The following SPATA6L variants were observed in gnomAD, a reference collection of about 807,000 sequenced individuals.
SPATA6L encodes spermatogenesis associated 6-like protein.
Under a neutral mutation model 49.2 loss-of-function variants are expected in SPATA6L, and 68 were observed. The observed-to-expected ratio is 1.38, with a 90% CI of 1.14 to 1.69. The LOEUF is 1.69. SPATA6L is among the 40% of genes most tolerant of loss of function. The probability of loss-of-function intolerance (pLI) is 0.00; values close to 1 mark genes in which losing one functional copy is unlikely to be tolerated. For missense variants in SPATA6L, 668 were observed against 464.3 expected, an observed-to-expected ratio of 1.44 and a Z score of -4.03; for synonymous variants, 198 against 165.7, an observed-to-expected ratio of 1.19 and a Z score of -1.50.
rs1173686417 is a variant in SPATA6L at position 4,625,753 on chromosome 9, T to A, written c.430-187A>T. 7.0e-6 allele frequency: 3 copies of A among 427,610 alleles called. No individual in the cohort carries two copies. In the East Asian group the frequency reaches 1.1e-4, roughly 16 times the overall value. The allele number at this position is 427,610 out of a possible 1,614,324, so 26.5% of individuals were successfully genotyped here. A position where few individuals can be genotyped will look rare whatever the true frequency, so the allele number is the denominator to read the frequency against. On this transcript the variant is annotated intron_variant, in intron 5 of 11. Coordinates refer to ENST00000682582, the MANE Select transcript of SPATA6L (RefSeq NM_001353486.2). ...TTTTTCCTGTTCAGTTTAACATCAG[T>A]AGTATTTATAACTTGCTAGTATAAT... is the stretch of plus-strand genomic sequence containing the variant.
intron 8 of SPATA6L, among the ~76,000 whole-genome samples, chr9:4,618,572 A>C (rs1182303900): frequency 6.6e-6 from 1 of 152,208 alleles, no homozygotes; most frequent in Non-Finnish European, 1.5e-5. Context: ...TCTATGTATA[A>C]AATTATTTGA....
chr9:4,617,263 A>G (rs1014687309), intron 9 of SPATA6L: 18 of 152,204 alleles, frequency 1.2e-4, no homozygotes, highest in African/African-American at 3.9e-4. Context: ...CAATGATCTT[A>G]TAAATATTAT....
chr9:4,617,997 G>A lies in SPATA6L; in HGVS notation c.921C>T (p.His307=), dbSNP rs193250993. 201 of 1,614,062 alleles carry A rather than the reference G, an allele frequency of 1.2e-4. 1 individual carries two copies. In the African/African-American group the frequency reaches 1.6e-3, roughly 13 times the overall value. ...GGTAGGTGGCAAATGAAGCTTTCCC[G>A]TGGAAATCAGCATCCCCTTGTTTAC... The part of the protein sequence containing the change: ...SSSKQGDADF[H]GKASFATYQH... The change falls in exon 9 of 12, where the codon CAC becomes CAT. Residue 307 remains histidine (H), a synonymous_variant. Coordinates refer to ENST00000682582, the MANE Select transcript of SPATA6L (RefSeq NM_001353486.2).
intron 9 of SPATA6L, among the ~76,000 whole-genome samples, chr9:4,605,880 T>C (rs1471089300): frequency 2.0e-5 from 3 of 152,222 alleles, no homozygotes; most frequent in Non-Finnish European, 1.5e-5. Flanking sequence ...GGGTGATTTC[T>C]GCATTTCCAT....
chr9:4,618,943 T>C (rs752057913), intron 7 of SPATA6L, 45 bp from the exon 8 acceptor site: 5 of 1,582,508 alleles, frequency 3.2e-6, no homozygotes, highest in Non-Finnish European at 4.3e-6. Context: ...ATTATTACCA[T>C]TTAGCCTTAA....
At chr9:4,602,535 C>T (rs1377188562) in intron 11 of SPATA6L, among the ~76,000 whole-genome samples, 2 of 152,196 alleles carry the variant, frequency 1.3e-5, no homozygotes, top group African/African-American at 4.8e-5. Flanking sequence ...AGCCTGACTA[C>T]AGTGAAAACT....
Position 4,600,231 on chromosome 9 carries a change from C to G in SPATA6L, c.*580G>C, listed in dbSNP as rs1462308078. On this transcript the variant is annotated 3_prime_UTR_variant, in exon 12 of 12. Transcript: ENST00000682582. The stretch of plus-strand genomic sequence containing the variant: ...AGCCAGCCTCCTCTTACAAATTTAT[C>G]ACAGACATTCAACATCTAAAACAAG... 1.3e-5 allele frequency among the ~76,000 whole-genome samples: 2 copies of G among 152,170 alleles called. No homozygotes were observed. Among genetic ancestry groups the G allele is most frequent in the African/African-American group, 4.8e-5 (2 of 41,440 alleles).
chr9:4,598,779 T>C lies in SPATA6L; in HGVS notation c.*2032A>G, dbSNP rs1372592926. Reference sequence around the variant, plus strand: ...AACCTTAATGTAACACAATATTTTCTTACTTTTGATGACTACTTAGAGGTA... The same window carrying C: ...AACCTTAATGTAACACAATATTTTCCTACTTTTGATGACTACTTAGAGGTA... On this transcript the variant is annotated 3_prime_UTR_variant, in exon 12 of 12. Coordinates refer to ENST00000682582, the MANE Select transcript of SPATA6L (RefSeq NM_001353486.2). Among the ~76,000 whole-genome samples the C allele has an allele frequency of 6.6e-6, 1 of 152,232 alleles. No individual in the cohort carries two copies. Among genetic ancestry groups the C allele is most frequent in the Non-Finnish European group, 1.5e-5 (1 of 68,048 alleles).
At chr9:4,659,716 G>T (rs905554401) in intron 2 of SPATA6L, among the ~76,000 whole-genome samples, 1 of 152,136 alleles carries the variant, frequency 6.6e-6, no homozygotes, top group East Asian at 1.9e-4. Context: ...AGCCCGCATT[G>T]CCAAGACAAT....
Position 4,662,380 on chromosome 9 carries a change from C to G in SPATA6L, c.40-344G>C, listed in dbSNP as rs756992431. On this transcript the variant is annotated intron_variant, in intron 1 of 11. Coordinates refer to ENST00000682582, the MANE Select transcript of SPATA6L (RefSeq NM_001353486.2). This position sits in a 1 kb window ranked among gnomAD's most constrained non-coding sequence, Gnocchi z 4.9. ...GGATCCGGGCCGCCAGCTGCGATGC[C>G]AAGTCCCCGGAGGAGCATGGAGGGA... The G allele has an allele frequency of 1.3e-6, 2 of 1,516,172 alleles. No homozygotes were observed. Among genetic ancestry groups the G allele is most frequent in the Admixed American group, 2.1e-5 (1 of 47,090 alleles). 93.9% of individuals were successfully genotyped at this position (1,516,172 alleles called of 1,614,324 possible).
Position 4,666,238 on chromosome 9 carries a change from C to A in SPATA6L, c.13G>T (p.Val5Leu), listed in dbSNP as rs1183855247. 1.2e-6 allele frequency: 2 copies of A among 1,614,044 alleles called. No homozygotes were observed. Among genetic ancestry groups the A allele is most frequent in the African/African-American group, 2.7e-5 (2 of 74,910 alleles). ...GCCCGGATCTGCAGCTCCACCACCA[C>A]CTCCAGAGGCATCGTTCCCTGCGTG... is the stretch of plus-strand genomic sequence containing the variant. MPLE[V>L]VVELQIRAIS... Residue 5 changes from valine to leucine, a missense_variant, in exon 1 of 12, where the codon GTG (valine) becomes TTG (leucine). Coordinates refer to ENST00000682582, the MANE Select transcript of SPATA6L (RefSeq NM_001353486.2).
At chr9:4,635,687 C>G (rs913828017) in intron 3 of SPATA6L, among the ~76,000 whole-genome samples, 22 of 152,108 alleles carry the variant, frequency 1.4e-4, no homozygotes, top group African/African-American at 5.3e-4. Flanking sequence ...ATTTTTCCTG[C>G]AACAAATTTT....
intron 1 of SPATA6L, 108 bp downstream of exon 1, chr9:4,666,104 G>A (rs1840819713): frequency 4.2e-6 from 4 of 959,008 alleles, no homozygotes; most frequent in Non-Finnish European, 1.7e-6. Context: ...AGAAGATAAT[G>A]ATGTGTTTGT....
At chr9:4,603,578 A>G (rs981754244) in intron 11 of SPATA6L, among the ~76,000 whole-genome samples, 5 of 152,202 alleles carry the variant, frequency 3.3e-5, no homozygotes, top group African/African-American at 1.2e-4. Flanking sequence ...GTTAAATGTG[A>G]TTCCATTGTA....
intron 13 of SPATA6L, among the ~76,000 whole-genome samples, chr9:4,592,090 G>A (rs1208301642): frequency 6.6e-6 from 1 of 152,082 alleles, no homozygotes; most frequent in East Asian, 1.9e-4. Context: ...CGAGGCGGGT[G>A]GATCATCTGA....
At chr9:4,642,180 G>A (rs1352709083) in intron 3 of SPATA6L, among the ~76,000 whole-genome samples, 1 of 152,146 alleles carries the variant, frequency 6.6e-6, no homozygotes, top group Non-Finnish European at 1.5e-5. Flanking sequence ...CTTAGGTATT[G>A]AGTAACTTTT....
At chr9:4,649,684 A>G (rs1836364318) in intron 3 of SPATA6L, among the ~76,000 whole-genome samples, 2 of 152,226 alleles carry the variant, frequency 1.3e-5, no homozygotes, top group African/African-American at 4.8e-5. Context: ...TTGATAAAAT[A>G]ACTACACCTT....
intron 5 of SPATA6L, chr9:4,626,696 C>G: frequency 3.3e-6 from 2 of 607,972 alleles, no homozygotes; most frequent in Non-Finnish European, 4.9e-6. Flanking sequence ...GTGTGGTTTC[C>G]TGACTGGACC....
At chr9:4,603,447 A>G (rs1823873073) in intron 11 of SPATA6L, among the ~76,000 whole-genome samples, 1 of 152,142 alleles carries the variant, frequency 6.6e-6, no homozygotes, top group Non-Finnish European at 1.5e-5. Flanking sequence ...AAAACAAAAA[A>G]AACCCTCTTT....
Sources: allele counts gnomAD v4.1 joint callset (sites outside exome capture counted in the v4.1 genomes callset), GRCh38; gene constraint gnomAD v4.1.1; non-coding constraint Gnocchi (gnomAD v3.1); transcripts MANE v1.5; gene names NCBI Gene and HGNC (gene_info 2026-07-23, HGNC 2026-07-21).